NFYC: variants seen among roughly 807,000 people sequenced by gnomAD.
NFYC encodes the protein CAAT box DNA-binding protein subunit C.
In NFYC, 25 loss-of-function variants were observed where a neutral mutation model predicts 53.1. The ratio of observed to expected loss-of-function variants is 0.47; its 90% CI spans 0.34 to 0.66. The LOEUF is 0.66. Among genes scored for constraint, NFYC ranks in the 30% least tolerant of loss-of-function variants. The pLI is 0.01. For missense variants in NFYC, 260 were observed against 422.7 expected, an observed-to-expected ratio of 0.62 and a Z score of 3.38; for synonymous variants, 145 against 152.6, an observed-to-expected ratio of 0.95 and a Z score of 0.37.
At chr1:40,739,644 C>T (rs139535463) in intron 2 of NFYC, among the ~76,000 whole-genome samples, 153 of 152,250 alleles carry the variant, frequency 1.0e-3, no homozygotes, top group Admixed American at 1.7e-3. Context: ...AATATAACCT[C>T]GGCCTGTGAG....
intron 1 of NFYC, chr1:40,735,749 A>G (rs1570526347): frequency 1.0e-6 from 1 of 985,368 alleles, no homozygotes; most frequent in Admixed American, 6.1e-5. Flanking sequence ...ATGCAATAAA[A>G]GGTTAGATTC....
chr1:40,737,618 C>T (rs997595049), intron 1 of NFYC, among the ~76,000 whole-genome samples: 1 of 152,028 alleles, frequency 6.6e-6, no homozygotes, highest in East Asian at 1.9e-4. Flanking sequence ...CATGAGCCAC[C>T]GCACCTGGCC....
chr1:40,743,351 C>T (rs1330255940), intron 2 of NFYC, among the ~76,000 whole-genome samples: 3 of 152,194 alleles, frequency 2.0e-5, no homozygotes, highest in East Asian at 1.9e-4. Context: ...CCTATATTCC[C>T]GCACAGCAGA....
chr1:40,707,950 A>G (rs1643800765), intron 1 of NFYC, among the ~76,000 whole-genome samples: 1 of 152,150 alleles, frequency 6.6e-6, no homozygotes, highest in South Asian at 2.1e-4. Flanking sequence ...ATCAAATTAT[A>G]ATGTGCTTTT....
At chr1:40,752,874 G>A (rs185699762) in intron 4 of NFYC, among the ~76,000 whole-genome samples, 3 of 152,054 alleles carry the variant, frequency 2.0e-5, no homozygotes, top group Admixed American at 6.5e-5. Context: ...TTTGAAAATC[G>A]CGGGGAGAGG....
At chr1:40,752,191 C>G in intron 4 of NFYC, among the ~76,000 whole-genome samples, 1 of 152,152 alleles carries the variant, frequency 6.6e-6, no homozygotes. Flanking sequence ...CTACCATAAA[C>G]ATTTTACTAT....
At chr1:40,715,197 A>T (rs1557764423) in intron 1 of NFYC, among the ~76,000 whole-genome samples, 1 of 152,060 alleles carries the variant, frequency 6.6e-6, no homozygotes, top group Admixed American at 6.6e-5. Flanking sequence ...TGAGGTCAGG[A>T]GTTTGAGACC....
chr1:40,710,485 C>T (rs1472360382), intron 1 of NFYC, among the ~76,000 whole-genome samples: 1 of 152,220 alleles, frequency 6.6e-6, no homozygotes, highest in Non-Finnish European at 1.5e-5. Context: ...AGCCAGTTCT[C>T]ATGAACAGTG....
intron 6 of NFYC, 88 bp downstream of exon 6, chr1:40,758,382 G>C: frequency 7.3e-7 from 1 of 1,376,378 alleles, no homozygotes; most frequent in Non-Finnish European, 9.7e-7. Context: ...CAGAGAGGCA[G>C]CCAGATCATT....
At chr1:40,711,655 T>A (rs1431924686) in intron 1 of NFYC, among the ~76,000 whole-genome samples, 1 of 152,238 alleles carries the variant, frequency 6.6e-6, no homozygotes, top group Non-Finnish European at 1.5e-5. Flanking sequence ...GACTAAGTTA[T>A]TTTTTAGTGT....
In NFYC at chr1:40,766,658, A is replaced by G. The variant is rs1327802073; in HGVS notation, c.783A>G (p.Gln261=). Residue 261 remains glutamine, a synonymous_variant, in exon 8 of 10, where the codon CAA becomes CAG. Transcript: ENST00000447388. Reference sequence around the variant, plus strand: ...TAGCCCAGCCTGTATCAGGCACTCAAGTTGTGCAGGGACAGATCCAGACAC... The same window carrying G: ...TAGCCCAGCCTGTATCAGGCACTCAGGTTGTGCAGGGACAGATCCAGACAC... The part of the protein sequence containing the change: ...IRLAQPVSGT[Q]VVQGQIQTLA... The G allele has an allele frequency of 6.2e-7, 1 of 1,614,114 alleles. No individual in the cohort carries two copies. Among genetic ancestry groups the G allele is most frequent in the Non-Finnish European group, 8.5e-7 (1 of 1,180,006 alleles).
At chr1:40,697,300 G>T (rs1187288905) in intron 1 of NFYC, among the ~76,000 whole-genome samples, 1 of 152,212 alleles carries the variant, frequency 6.6e-6, no homozygotes, top group East Asian at 1.9e-4. Flanking sequence ...GAGGCCTTTT[G>T]TAATTGTCTG....
intron 1 of NFYC, among the ~76,000 whole-genome samples, chr1:40,708,795 C>T (rs1428917786): frequency 6.6e-6 from 1 of 152,162 alleles, no homozygotes; most frequent in Non-Finnish European, 1.5e-5. Context: ...ATTAGCCCTA[C>T]CCAGTTTTGT....
Position 40,754,564 on chromosome 1 carries a change from C to T in NFYC, c.387+1318C>T, listed in dbSNP as rs113168623. On this transcript the variant is annotated intron_variant, in intron 5 of 9. Coordinates refer to ENST00000447388, the MANE Select transcript of NFYC (RefSeq NM_014223.5). ...CAGAAGTCACAACAAGAACTCAGGCCATTTATCTTCCTTCAGAACAAAGAG... is the reference window on the plus strand; with the variant it reads ...CAGAAGTCACAACAAGAACTCAGGCTATTTATCTTCCTTCAGAACAAAGAG... The T allele has an allele frequency of 3.8e-4, 146 of 386,166 alleles. 4 individuals are homozygous for T. The East Asian group carries it at 0.01, about 27-fold the overall frequency. The allele number at this position is 386,166 out of a possible 1,614,324, so 23.9% of individuals were successfully genotyped here.
chr1:40,741,491 C>A (rs1166486783), intron 2 of NFYC, among the ~76,000 whole-genome samples: 2 of 152,066 alleles, frequency 1.3e-5, no homozygotes, highest in Non-Finnish European at 2.9e-5. Context: ...AGGATGTAAC[C>A]CCATTGTAAG....
chr1:40,726,127 T>TC (rs33997341), intron 1 of NFYC, among the ~76,000 whole-genome samples: 1 of 140,990 alleles, frequency 7.1e-6, no homozygotes, highest in Admixed American at 7.5e-5. Flanking sequence ...GTGTGTGTGT[T>TC]TTTTTTTGAG....
chr1:40,734,265 A>G lies in NFYC; in HGVS notation c.-8-4571A>G, dbSNP rs945298196. Among the ~76,000 whole-genome samples, 5 of 152,332 alleles carry G rather than the reference A, an allele frequency of 3.3e-5. No homozygotes were observed. In the East Asian group the frequency reaches 9.6e-4, roughly 29 times the overall value. ...TTTCCATGGGCTTGTAGATGTTGTAAATGGACTACTTCTGTAGCAAAATCA... is the reference window on the plus strand; with the variant it reads ...TTTCCATGGGCTTGTAGATGTTGTAGATGGACTACTTCTGTAGCAAAATCA... On this transcript the variant is annotated intron_variant, in intron 1 of 9. Transcript: ENST00000447388.
At chr1:40,704,880 C>G (rs1049888211) in intron 1 of NFYC, among the ~76,000 whole-genome samples, 3 of 152,150 alleles carry the variant, frequency 2.0e-5, no homozygotes, top group African/African-American at 7.2e-5. Flanking sequence ...TTGCTTTCTG[C>G]AGGCCTGCAG....
At chr1:40,752,170 C>A (rs749848849) in intron 4 of NFYC, among the ~76,000 whole-genome samples, 6 of 152,176 alleles carry the variant, frequency 3.9e-5, no homozygotes, top group Non-Finnish European at 8.8e-5. Context: ...TGTATACTTA[C>A]AACCTAGATT....
Sources: allele counts gnomAD v4.1 joint callset (sites outside exome capture counted in the v4.1 genomes callset), GRCh38; gene constraint gnomAD v4.1.1; transcripts MANE v1.5; gene names NCBI Gene and HGNC (gene_info 2026-07-23, HGNC 2026-07-21).